FUT8: variants seen among roughly 807,000 people sequenced by gnomAD.
FUT8 encodes the protein alpha-(1,6)-fucosyltransferase.
FUT8 carries 29 observed loss-of-function variants against 71.3 expected under a neutral mutation model. The ratio of observed to expected loss-of-function variants is 0.41; its 90% CI spans 0.30 to 0.55. FUT8 has a LOEUF of 0.55. FUT8 is among the 20% of genes least tolerant of loss of function. The probability of loss-of-function intolerance (pLI) is 0.34; values close to 1 mark genes in which losing one functional copy is unlikely to be tolerated. For synonymous variants in FUT8, 254 were observed against 239.3 expected, an observed-to-expected ratio of 1.06 and a Z score of -0.57; for missense variants, 544 against 702.1, an observed-to-expected ratio of 0.77 and a Z score of 2.55.
chr14:65,426,238 T>G (rs2065385767), intron 1 of FUT8, among the ~76,000 whole-genome samples: 1 of 152,148 alleles, frequency 6.6e-6, no homozygotes, highest in African/African-American at 2.4e-5. Context: ...CCAGTCCTAT[T>G]TTACTTAGCC....
intron 2 of FUT8, among the ~76,000 whole-genome samples, chr14:65,511,805 T>C (rs554602465): frequency 6.6e-6 from 1 of 152,344 alleles, no homozygotes; most frequent in Admixed American, 6.5e-5. Context: ...AGTGTGTTTC[T>C]TGTAGGCAAC....
intron 7 of FUT8, among the ~76,000 whole-genome samples, chr14:65,700,093 A>G (rs1894206460): frequency 6.6e-6 from 1 of 152,120 alleles, no homozygotes; most frequent in Non-Finnish European, 1.5e-5. Context: ...ACATAATCTG[A>G]TTATGTTGTA....
rs1896064120 is a variant in FUT8, at chr14:65,733,281, G to T, written c.1310G>T (p.Gly437Val). The change falls in exon 10 of 11, where the codon GGA becomes GTA. Residue 437 changes from glycine (G) to valine (V), a missense_variant. Physicochemically the swap from Gly to Val is moderately radical, Grantham distance 109. Coordinates refer to ENST00000673929, the MANE Select transcript of FUT8 (RefSeq NM_001371533.1). Reference protein sequence around the residue: ...ISDNSISWSAGLHNRYTENSL... With the variant: ...ISDNSISWSAVLHNRYTENSL... ...GATAACTCTATTTCCTGGTCAGCTG[G>T]ACTGCACAATCGATACACAGAAAAT... 5 of 1,607,110 alleles carry T rather than the reference G, an allele frequency of 3.1e-6. 1 individual carries two copies. The highest frequency in any genetic ancestry group is 2.6e-6 in the Non-Finnish European group (3 of 1,175,252).
the FUT8 span, among the ~76,000 whole-genome samples, chr14:65,398,672 G>A: frequency 6.6e-6 from 1 of 151,758 alleles, no homozygotes; most frequent in Admixed American, 6.6e-5. Flanking sequence ...GGAGCTTGCA[G>A]TAAGCTGAGA....
At chr14:65,431,548 A>G (rs1206233031) in intron 1 of FUT8, among the ~76,000 whole-genome samples, 1 of 151,904 alleles carries the variant, frequency 6.6e-6, no homozygotes, top group East Asian at 1.9e-4. Flanking sequence ...CCTGGCCTCA[A>G]GTGATTTGCC....
chr14:65,659,186 T>C (rs910445159), intron 6 of FUT8, among the ~76,000 whole-genome samples: 3 of 151,542 alleles, frequency 2.0e-5, no homozygotes. Flanking sequence ...TTTTTTGTTT[T>C]TTGTTTTGTT....
intron 2 of FUT8, among the ~76,000 whole-genome samples, chr14:65,497,354 G>A (rs986325990): frequency 2.0e-5 from 3 of 152,130 alleles, no homozygotes; most frequent in African/African-American, 7.2e-5. Flanking sequence ...AATTACCTTG[G>A]AAGCTTGTTA....
intron 1 of FUT8, among the ~76,000 whole-genome samples, chr14:65,450,084 A>G (rs982799233): frequency 5.3e-5 from 8 of 152,054 alleles, no homozygotes; most frequent in Non-Finnish European, 8.8e-5. Context: ...ATATGTATGC[A>G]TGTGTGTGTG....
At chr14:65,471,985 A>G (rs1176994538) in intron 2 of FUT8, among the ~76,000 whole-genome samples, 2 of 152,182 alleles carry the variant, frequency 1.3e-5, no homozygotes, top group Non-Finnish European at 2.9e-5. Context: ...AAGAAAGATT[A>G]AAAAACTTCT....
the FUT8 span, among the ~76,000 whole-genome samples, chr14:65,366,861 C>A: frequency 1.3e-5 from 2 of 152,136 alleles, no homozygotes; most frequent in Non-Finnish European, 2.9e-5. Context: ...CCTGTGCACA[C>A]ACCATGGTTC....
chr14:65,621,900 C>T (rs1263504426), intron 5 of FUT8, among the ~76,000 whole-genome samples: 1 of 152,154 alleles, frequency 6.6e-6, no homozygotes, highest in Non-Finnish European at 1.5e-5. Context: ...TCTTGGCTCA[C>T]TGCAACCTCC....
At chr14:65,377,734 A>C in the FUT8 span, among the ~76,000 whole-genome samples, 1 of 149,296 alleles carries the variant, frequency 6.7e-6, no homozygotes, top group East Asian at 2.0e-4. Context: ...CTTTCTGAGG[A>C]TGTTGCAAAC....
chr14:65,663,969 A>G (rs1177198007), intron 6 of FUT8, among the ~76,000 whole-genome samples: 1 of 151,978 alleles, frequency 6.6e-6, no homozygotes, highest in East Asian at 1.9e-4. Flanking sequence ...TTTTTTCCTT[A>G]AAAAAGAAGA....
At chr14:65,682,240 C>T (rs1421062720) in intron 7 of FUT8, among the ~76,000 whole-genome samples, 2 of 152,214 alleles carry the variant, frequency 1.3e-5, no homozygotes, top group Non-Finnish European at 2.9e-5. Flanking sequence ...TGGTGGCTCA[C>T]GCTTATAATC....
In FUT8 at chr14:65,573,432, C is replaced by T. The variant is rs1183163251; in HGVS notation, c.203+11666C>T. On this transcript the variant is annotated intron_variant, in intron 3 of 10. Transcript: ENST00000673929. ...GGAAAATAATACATGTGCAAGACTT[C>T]TGGTGATAGCTATATGATTTTGAAG... Among the ~76,000 whole-genome samples, 3 of 151,858 alleles carry T rather than the reference C, an allele frequency of 2.0e-5. 1 individual carries two copies. The highest frequency in any genetic ancestry group is 4.2e-4 in the South Asian group (2 of 4,802).
chr14:65,701,759 A>G (rs1848051745), intron 7 of FUT8, among the ~76,000 whole-genome samples: 1 of 152,194 alleles, frequency 6.6e-6, no homozygotes, highest in Non-Finnish European at 1.5e-5. Context: ...TATATCATTT[A>G]TGTAAATTCC....
chr14:65,468,886 C>T (rs2066089919), intron 2 of FUT8, among the ~76,000 whole-genome samples: 1 of 152,074 alleles, frequency 6.6e-6, no homozygotes, highest in Admixed American at 6.6e-5. Flanking sequence ...CAGTCTTGAA[C>T]TCCTAGGCTC....
At chr14:65,520,948 A>C (rs1430746612) in intron 2 of FUT8, among the ~76,000 whole-genome samples, 1 of 152,056 alleles carries the variant, frequency 6.6e-6, no homozygotes, top group Non-Finnish European at 1.5e-5. Flanking sequence ...CACATATAAG[A>C]CTGTAAACCT....
At chr14:65,471,088 C>A in intron 2 of FUT8, 1 of 467,698 alleles carries the variant, frequency 2.1e-6, no homozygotes, top group Non-Finnish European at 4.4e-6. Flanking sequence ...AAGAGCTGTA[C>A]TGATGTGGTG....
Sources: allele counts gnomAD v4.1 joint callset (sites outside exome capture counted in the v4.1 genomes callset), GRCh38; gene constraint gnomAD v4.1.1; transcripts MANE v1.5; gene names NCBI Gene and HGNC (gene_info 2026-07-23, HGNC 2026-07-21).